The following IL12RB1 variants were observed in gnomAD, a reference collection of about 807,000 sequenced individuals.
IL12RB1 encodes the protein interleukin-12 receptor subunit beta-1.
Under a neutral mutation model 94.4 loss-of-function variants are expected in IL12RB1, and 64 were observed. The observed-to-expected ratio is 0.68, with a 90% CI of 0.55 to 0.83. The LOEUF (loss-of-function observed/expected upper bound fraction) is 0.83, where lower values mean the gene tolerates loss of function less well. Ranked by LOEUF, IL12RB1 falls within the 40% of genes least tolerant of loss-of-function variation. IL12RB1 has a pLI of 0.00. For missense variants in IL12RB1, 814 were observed against 855.6 expected (o/e 0.95, Z 0.61); for synonymous variants, 362 against 355.5 (o/e 1.02, Z -0.21).
chr19:18,059,181 C>A lies in IL12RB1; in HGVS notation c.*427G>T. The A allele has an allele frequency of 5.0e-6, 1 of 199,162 alleles. No homozygotes were observed. The highest frequency in any genetic ancestry group is 1.0e-5 in the Non-Finnish European group (1 of 96,226). The allele number at this position is 199,162 out of a possible 1,614,324, so 12.3% of individuals were successfully genotyped here. ...TGGGATGGGAGGACCGTCATTTTTC[C>A]CACAAAGTTTACAGCCCCCTTCCCT... On this transcript the variant is annotated 3_prime_UTR_variant, in exon 17 of 17. Transcript: ENST00000593993.
intron 1 of IL12RB1, among the ~76,000 whole-genome samples, chr19:18,095,138 G>C (rs1029273320): frequency 3.4e-5 from 5 of 148,788 alleles, no homozygotes; most frequent in Non-Finnish European, 7.5e-5. Flanking sequence ...AAGATCCCGC[G>C]ACTGCACTCC....
At chr19:18,098,814 T>C (rs2037272022) in exon 1 of IL12RB1, 1 of 456,364 alleles carries the variant, frequency 2.2e-6, no homozygotes, top group Non-Finnish European at 4.4e-6. Flanking sequence ...AGCGGAGTGT[T>C]CTGCAACCTC....
chr19:18,074,862 T>C (rs2035332281), intron 7 of IL12RB1, among the ~76,000 whole-genome samples: 1 of 151,732 alleles, frequency 6.6e-6, no homozygotes, highest in Admixed American at 6.6e-5. Context: ...CCATCCTGGC[T>C]AACATGGTGA....
chr19:18,088,599 C>T (rs2036488981), upstream of IL12RB1, among the ~76,000 whole-genome samples: 1 of 150,838 alleles, frequency 6.6e-6, no homozygotes, highest in Non-Finnish European at 1.5e-5. Context: ...AGAGATGCAA[C>T]TTAGTCTTTC....
At chr19:18,064,138 C>A (rs11304355) in intron 12 of IL12RB1, 128 bp from the exon 13 acceptor site, 5 of 349,640 alleles carry the variant, frequency 1.4e-5, no homozygotes, top group East Asian at 5.5e-5. Flanking sequence ...CTCTTTCTTT[C>A]TTTTTTTTTT....
chr19:18,089,932 G>C (rs574856772), upstream of IL12RB1, among the ~76,000 whole-genome samples: 1 of 152,192 alleles, frequency 6.6e-6, no homozygotes, highest in South Asian at 2.1e-4. Context: ...GCACAGTGGG[G>C]ACGGGGGCCC....
upstream of IL12RB1, among the ~76,000 whole-genome samples, chr19:18,091,720 C>A (rs1013402624): frequency 6.6e-6 from 1 of 152,088 alleles, no homozygotes; most frequent in Non-Finnish European, 1.5e-5. Context: ...TTATTTGAGA[C>A]AGGGTCTCAC....
chr19:18,098,840 A>G, exon 1 of IL12RB1: 1 of 456,128 alleles, frequency 2.2e-6, no homozygotes, highest in Non-Finnish European at 4.4e-6. Flanking sequence ...CTGCCCTCCT[A>G]GAAACCCCAA....
chr19:18,059,779 T>C (rs2033984397), intron 16 of IL12RB1, 115 bp downstream of exon 16: 2 of 730,962 alleles, frequency 2.7e-6, no homozygotes, highest in South Asian at 1.5e-5. Flanking sequence ...GTGGATGTTT[T>C]CGTTTCTCCC....
Position 18,086,801 on chromosome 19 carries a change from A to G in IL12RB1, c.23T>C (p.Val8Ala). Reference sequence around the variant, plus strand: ...CAGGAAGAGGAAGAGGAGGGGGACCACCCAGGTCACCAGCGGCTCCATCGG... The same window carrying G: ...CAGGAAGAGGAAGAGGAGGGGGACCGCCCAGGTCACCAGCGGCTCCATCGG... MEPLVTW[V>A]VPLLFLFLLS... Residue 8 changes from valine (V) to alanine (A), a missense_variant, in exon 1 of 17, where the codon GTG (valine) becomes GCG (alanine). By Grantham distance (64) the Val-to-Ala change is moderately conservative. Coordinates refer to ENST00000593993, the MANE Select transcript of IL12RB1 (RefSeq NM_005535.3). 6.2e-7 allele frequency: 1 copy of G among 1,611,728 alleles called. No individual in the cohort carries two copies. Among genetic ancestry groups the G allele is most frequent in the African/African-American group, 1.3e-5 (1 of 74,932 alleles).
At chr19:18,068,217 G>C (rs2034734873) in intron 11 of IL12RB1, among the ~76,000 whole-genome samples, 172 bp downstream of exon 11, 1 of 151,326 alleles carries the variant, frequency 6.6e-6, no homozygotes, top group Admixed American at 6.6e-5. Context: ...GTAGAGACAG[G>C]GTTTCGCCAC....
chr19:18,062,927 A>G, intron 13 of IL12RB1, among the ~76,000 whole-genome samples: 1 of 151,754 alleles, frequency 6.6e-6, no homozygotes, highest in Non-Finnish European at 1.5e-5. Flanking sequence ...ACACCGTGGC[A>G]TGAACAGGGA....
intron 2 of IL12RB1, 129 bp downstream of exon 2, chr19:18,083,303 G>A (rs2036041614): frequency 1.1e-6 from 1 of 875,242 alleles, no homozygotes; most frequent in Non-Finnish European, 2.0e-6. Flanking sequence ...GGTGGGGTGG[G>A]GACTCCCAAG....
At chr19:18,090,634 G>C (rs755243789), upstream of IL12RB1, 1 of 152,480 alleles carries the variant, frequency 6.6e-6, no homozygotes, top group Non-Finnish European at 1.5e-5. Flanking sequence ...GCCCTCTCAG[G>C]CCTCATCTTT....
At chr19:18,060,917 TA>T (rs1404623503) in intron 15 of IL12RB1, among the ~76,000 whole-genome samples, 2 of 152,160 alleles carry the variant, frequency 1.3e-5, no homozygotes, top group African/African-American at 4.8e-5. Context: ...AGGTTTCCTT[TA>T]TAATAAAGCC....
intron 9 of IL12RB1, chr19:18,071,102 G>T: frequency 3.7e-6 from 1 of 267,782 alleles, no homozygotes; most frequent in Non-Finnish European, 7.4e-6. Flanking sequence ...GCTGGGCATG[G>T]TGGCTCACGC....
At chr19:18,092,709 G>A (rs965049466) in intron 1 of IL12RB1, among the ~76,000 whole-genome samples, 20 of 147,332 alleles carry the variant, frequency 1.4e-4, no homozygotes, top group African/African-American at 5.0e-4. Context: ...TCACTATGTT[G>A]CCTAGGCTGG....
intron 15 of IL12RB1, 98 bp downstream of exon 15, chr19:18,061,024 C>T: frequency 2.7e-6 from 2 of 747,274 alleles, no homozygotes; most frequent in Non-Finnish European, 4.8e-6. Flanking sequence ...GAGTCCTTAC[C>T]TTGATGAATT....
At chr19:18,081,953 C>T (rs1480503844) in intron 3 of IL12RB1, among the ~76,000 whole-genome samples, 197 bp downstream of exon 3, 1 of 152,100 alleles carries the variant, frequency 6.6e-6, no homozygotes, top group Admixed American at 6.6e-5. Context: ...CATGGCCACC[C>T]ACCCTGGGAT....
Sources: allele counts gnomAD v4.1 joint callset (sites outside exome capture counted in the v4.1 genomes callset), GRCh38; gene constraint gnomAD v4.1.1; transcripts MANE v1.5; gene names NCBI Gene and HGNC (gene_info 2026-07-23, HGNC 2026-07-21).